GPR89B: variants seen among roughly 807,000 people sequenced by gnomAD.
GPR89B encodes G protein-coupled receptor 89B.
GPR89B carries 25 observed loss-of-function variants against 52.4 expected under a neutral mutation model. That is an observed-to-expected ratio of 0.48 (90% confidence interval 0.35 to 0.67). The LOEUF (loss-of-function observed/expected upper bound fraction) is 0.67, where lower values mean the gene tolerates loss of function less well. GPR89B is among the 30% of genes least tolerant of loss of function. The pLI, the probability that GPR89B is intolerant of heterozygous loss-of-function variation, is 0.01. For missense variants in GPR89B, 146 were observed against 450.2 expected, an observed-to-expected ratio of 0.32 and a Z score of 6.11; for synonymous variants, 52 against 151.2, an observed-to-expected ratio of 0.34 and a Z score of 4.81.
At chr1:147,956,291 A>C (rs1184480589) in intron 7 of GPR89B, among the ~76,000 whole-genome samples, 7 of 150,024 alleles carry the variant, frequency 4.7e-5, no homozygotes, top group Admixed American at 2.0e-4. Context: ...TGTTTTAATT[A>C]CTATTGCTTT....
chr1:148,006,847 G>A, the GPR89B span, among the ~76,000 whole-genome samples: 1 of 151,836 alleles, frequency 6.6e-6, no homozygotes, highest in South Asian at 2.1e-4. Flanking sequence ...CTCTCGAGTA[G>A]CTGGGACTAC....
the GPR89B span, chr1:148,021,776 T>C: frequency 2.0e-5 from 3 of 150,234 alleles, no homozygotes; most frequent in Non-Finnish European, 4.4e-5. Context: ...CAGGATTCTT[T>C]TTAATACTTC....
the GPR89B span, among the ~76,000 whole-genome samples, chr1:148,007,266 AG>A: frequency 6.6e-6 from 1 of 150,970 alleles, no homozygotes; most frequent in Non-Finnish European, 1.5e-5. Context: ...TAGTAGAGAC[AG>A]GGTTTCACCG....
At chr1:148,012,605 T>C in the GPR89B span, among the ~76,000 whole-genome samples, 3 of 150,518 alleles carry the variant, frequency 2.0e-5, no homozygotes, top group African/African-American at 2.5e-5. Context: ...CACTGACATA[T>C]AGTTACACTC....
chr1:147,959,536 T>C (rs1342079336), intron 7 of GPR89B, among the ~76,000 whole-genome samples: 2 of 152,080 alleles, frequency 1.3e-5, no homozygotes, highest in Non-Finnish European at 2.9e-5. Context: ...AAGTGCCCCT[T>C]AGCCACCACC....
At chr1:147,942,323 G>C (rs587623944) in intron 3 of GPR89B, among the ~76,000 whole-genome samples, 2 of 147,050 alleles carry the variant, frequency 1.4e-5, no homozygotes, top group African/African-American at 5.0e-5. Flanking sequence ...ACAAGTGTTG[G>C]CGAGGCTGAG....
the GPR89B span, among the ~76,000 whole-genome samples, chr1:148,025,064 C>T: frequency 2.6e-5 from 4 of 151,986 alleles, no homozygotes; most frequent in South Asian, 2.1e-4. Context: ...TTTTCACCCC[C>T]GCCCCCAGTT....
In GPR89B at chr1:147,993,426, C is replaced by T. The variant is rs1659209257; in HGVS notation, c.*509C>T. 1 of 225,194 alleles carries T rather than the reference C, an allele frequency of 4.4e-6. No homozygotes were observed. The highest frequency in any genetic ancestry group is 6.8e-5 in the South Asian group (1 of 14,638). The allele number at this position is 225,194 out of a possible 1,614,324, so 13.9% of individuals were successfully genotyped here. ...TAACATGAGTTAGCATCCCACACCT[C>T]CTCTTCTGATCCTGCCCCATTAAAA... On this transcript the variant is annotated 3_prime_UTR_variant, in exon 14 of 14. Coordinates refer to ENST00000314163, the MANE Select transcript of GPR89B (RefSeq NM_016334.5).
At chr1:147,962,454 TACTG>T (rs1241820306) in intron 7 of GPR89B, among the ~76,000 whole-genome samples, 2 of 143,014 alleles carry the variant, frequency 1.4e-5, no homozygotes, top group African/African-American at 5.2e-5. Flanking sequence ...AGAAAAGAAA[TACTG>T]ACACAAATAC....
the GPR89B span, chr1:148,010,234 G>C: frequency 6.6e-6 from 1 of 152,162 alleles, no homozygotes; most frequent in African/African-American, 2.4e-5. Flanking sequence ...AGAAATCTTG[G>C]AGTGAAATTT....
chr1:147,962,553 C>T (rs1243338027), intron 7 of GPR89B, among the ~76,000 whole-genome samples: 1,530 of 151,816 alleles, frequency 0.01, 40 homozygotes, highest in African/African-American at 0.035. Flanking sequence ...AGCAATTAGG[C>T]GTCCATAGGT....
At chr1:147,985,525 G>A (rs1283776544) in intron 10 of GPR89B, among the ~76,000 whole-genome samples, 1 of 151,904 alleles carries the variant, frequency 6.6e-6, no homozygotes, top group Non-Finnish European at 1.5e-5. Flanking sequence ...TTGGAACGCA[G>A]CCAAGTCCAT....
At chr1:147,932,499 C>G (rs1316401925) in intron 1 of GPR89B, among the ~76,000 whole-genome samples, 30 of 152,078 alleles carry the variant, frequency 2.0e-4, no homozygotes, top group Non-Finnish European at 2.9e-5. Flanking sequence ...TTTTCTTGAC[C>G]TTAATCAGCT....
In GPR89B at chr1:147,928,443, G is replaced by C. The variant is rs1288385331; in HGVS notation, c.-94G>C. On this transcript the variant is annotated 5_prime_UTR_variant, in exon 1 of 14. Coordinates refer to ENST00000314163, the MANE Select transcript of GPR89B (RefSeq NM_016334.5). Reference sequence around the variant, plus strand: ...CCGCAGTCCCGGCTGCAGCACCTGGGAGAAGGCAGACCGTGTGAGGGGGCC... The same window carrying C: ...CCGCAGTCCCGGCTGCAGCACCTGGCAGAAGGCAGACCGTGTGAGGGGGCC... 4 of 1,493,034 alleles carry C rather than the reference G, an allele frequency of 2.7e-6. No homozygotes were observed. The Admixed American group carries it at 5.2e-5, about 19-fold the overall frequency. 92.5% of individuals were successfully genotyped at this position (1,493,034 alleles called of 1,614,324 possible).
At chr1:147,937,904 A>G (rs1186762802) in intron 2 of GPR89B, among the ~76,000 whole-genome samples, 1 of 152,230 alleles carries the variant, frequency 6.6e-6, no homozygotes, top group Non-Finnish European at 1.5e-5. Flanking sequence ...GACAGGCATA[A>G]GAAATTTAAA....
chr1:147,971,829 C>T (rs1256495454), intron 10 of GPR89B, among the ~76,000 whole-genome samples: 18 of 151,538 alleles, frequency 1.2e-4, no homozygotes, highest in Non-Finnish European at 2.2e-4. Flanking sequence ...ATATGTAAAC[C>T]GAACATATAT....
At chr1:147,991,494 G>C (rs1410089694) in intron 12 of GPR89B, among the ~76,000 whole-genome samples, 14,442 of 152,142 alleles carry the variant, frequency 0.095, 751 homozygotes, top group South Asian at 0.2. Flanking sequence ...TGTTGAATAA[G>C]AGTGGTGAGA....
the GPR89B span, among the ~76,000 whole-genome samples, chr1:148,002,956 A>G: frequency 7.2e-5 from 11 of 152,102 alleles, no homozygotes; most frequent in African/African-American, 2.7e-4. Flanking sequence ...TAGTGAGAAA[A>G]GCTTACTCTA....
the GPR89B span, among the ~76,000 whole-genome samples, chr1:148,019,856 A>G: frequency 2.6e-5 from 4 of 152,052 alleles, no homozygotes; most frequent in South Asian, 8.3e-4. Context: ...TGGGAGTGAA[A>G]TGTCCATTTA....
Sources: gnomAD v4.1 joint callset for allele counts (sites outside exome capture counted in the v4.1 genomes callset) on GRCh38, gnomAD v4.1.1 for gene constraint, MANE v1.5 for transcripts, NCBI Gene and HGNC (gene_info 2026-07-23, HGNC 2026-07-21) for gene names.